SNTG2: variants seen among roughly 807,000 people sequenced by gnomAD.
SNTG2 encodes gamma-2-syntrophin.
A neutral mutation model predicts 70.9 loss-of-function variants in SNTG2; 74 were observed. That is an observed-to-expected ratio of 1.04 (90% CI 0.86 to 1.27). The LOEUF is 1.27. Among genes scored for constraint, SNTG2 ranks in the 50% most tolerant of loss-of-function variants. The probability of loss-of-function intolerance (pLI) is 0.00; values close to 1 mark genes in which losing one functional copy is unlikely to be tolerated. For synonymous variants in SNTG2, 278 were observed against 273.8 expected (o/e 1.02, Z -0.15); for missense variants, 717 against 690.7 (o/e 1.04, Z -0.43).
rs138151079 is a variant in SNTG2 at position 1,287,588 on chromosome 2, G to A, written c.1284+20017G>A. On this transcript the variant is annotated intron_variant, in intron 14 of 16. Transcript: ENST00000308624. The stretch of plus-strand genomic sequence containing the variant: ...AGCAGCAGGGGGCCCGGAGTGCTCC[G>A]TGCAGGTGGCAGAGTGACGGCGGAA... Among the ~76,000 whole-genome samples, 1,438 of 152,350 alleles carry A rather than the reference G, an allele frequency of 9.4e-3. 24 individuals carry two copies. Among genetic ancestry groups the A allele is most frequent in the African/African-American group, 0.033 (1,368 of 41,590 alleles).
chr2:1,156,990 G>A lies in SNTG2; in HGVS notation c.412-8558G>A, dbSNP rs145855329. Among the ~76,000 whole-genome samples the A allele has an allele frequency of 2.6e-5, 4 of 152,238 alleles. No individual in the cohort carries two copies. In the East Asian group the frequency reaches 7.7e-4, roughly 29 times the overall value. ...CTTCCCTGGTTATCCATAGAAATAT[G>A]AATCCCCAGGGAATGCAGACAGGAA... On this transcript the variant is annotated intron_variant, in intron 6 of 16. Coordinates refer to ENST00000308624, the MANE Select transcript of SNTG2 (RefSeq NM_018968.4).
At chr2:1,006,574 G>A (rs1277911721) in intron 1 of SNTG2, among the ~76,000 whole-genome samples, 1 of 152,088 alleles carries the variant, frequency 6.6e-6, no homozygotes, top group Non-Finnish European at 1.5e-5. Flanking sequence ...CACATCCGTG[G>A]GTTCAACCAA....
chr2:1,087,066 A>C (rs1470327063), intron 2 of SNTG2, among the ~76,000 whole-genome samples: 2 of 152,154 alleles, frequency 1.3e-5, no homozygotes, highest in Admixed American at 1.3e-4. Context: ...GCTAAGGAGC[A>C]GAAGGAGGGT....
At chr2:1,084,438 C>T (rs921127472) in intron 2 of SNTG2, among the ~76,000 whole-genome samples, 9 of 152,128 alleles carry the variant, frequency 5.9e-5, no homozygotes, top group Admixed American at 1.3e-4. Context: ...AGTTTGGAGC[C>T]CCTCCTTCTG....
intron 7 of SNTG2, among the ~76,000 whole-genome samples, chr2:1,169,264 C>G (rs1186805307): frequency 1.3e-5 from 2 of 152,060 alleles, no homozygotes; most frequent in Non-Finnish European, 2.9e-5. Context: ...AGGAGACAGA[C>G]AGAAAGCAGG....
intron 7 of SNTG2, among the ~76,000 whole-genome samples, chr2:1,169,524 C>T (rs963052299): frequency 6.6e-6 from 1 of 152,190 alleles, no homozygotes; most frequent in African/African-American, 2.4e-5. Flanking sequence ...CCTAGAGCCC[C>T]ATAGCACTGA....
chr2:1,236,613 C>T (rs1471498906), intron 9 of SNTG2, among the ~76,000 whole-genome samples: 1 of 152,228 alleles, frequency 6.6e-6, no homozygotes, highest in Non-Finnish European at 1.5e-5. Flanking sequence ...TCAAGAAACA[C>T]TAATTAGAAT....
chr2:1,296,179 C>T (rs775039336), intron 14 of SNTG2, among the ~76,000 whole-genome samples: 66 of 152,182 alleles, frequency 4.3e-4, no homozygotes, highest in Non-Finnish European at 9.0e-4. Context: ...GCCTCTGCCT[C>T]GCACCATGGC....
rs191823595 is a variant in SNTG2 at position 1,192,040 on chromosome 2, C to T, written c.592-17063C>T. 8.5e-5 allele frequency among the ~76,000 whole-genome samples: 13 copies of T among 152,108 alleles called. No individual in the cohort carries two copies. In the East Asian group the frequency reaches 2.3e-3, roughly 27 times the overall value. On this transcript the variant is annotated intron_variant, in intron 8 of 16. Transcript: ENST00000308624. Reference sequence around the variant, plus strand: ...GCAGAAGACAGTAAATTGTTTCCTTCCCTATATATTAACATATTTTTAGAT... The same window carrying T: ...GCAGAAGACAGTAAATTGTTTCCTTTCCTATATATTAACATATTTTTAGAT...
At chr2:1,350,193 T>C (rs991935580) in intron 16 of SNTG2, among the ~76,000 whole-genome samples, 6 of 152,074 alleles carry the variant, frequency 3.9e-5, no homozygotes, top group Admixed American at 6.5e-5. Context: ...GGTTTTTTAA[T>C]GTGTGGTGAT....
intron 1 of SNTG2, among the ~76,000 whole-genome samples, chr2:970,801 G>T (rs1035756906): frequency 5.9e-5 from 9 of 151,836 alleles, no homozygotes; most frequent in Non-Finnish European, 1.0e-4. Flanking sequence ...GGATGGCTGG[G>T]TCAAATGGTA....
At chr2:1,220,920 A>G (rs1319748559) in intron 9 of SNTG2, among the ~76,000 whole-genome samples, 1 of 152,146 alleles carries the variant, frequency 6.6e-6, no homozygotes, top group East Asian at 1.9e-4. Flanking sequence ...ATGAATGACT[A>G]CCTAAGGTAG....
chr2:1,000,809 A>C (rs752518594), intron 1 of SNTG2, among the ~76,000 whole-genome samples: 43 of 152,058 alleles, frequency 2.8e-4, no homozygotes, highest in Admixed American at 1.8e-3. Context: ...GCAAGAACAC[A>C]ACAAAAAAGA....
At chr2:985,646 G>A (rs374931588) in intron 1 of SNTG2, among the ~76,000 whole-genome samples, 1 of 152,088 alleles carries the variant, frequency 6.6e-6, no homozygotes, top group South Asian at 2.1e-4. Flanking sequence ...CAGGCCTTCA[G>A]TCAGAAATCT....
At position 1,237,913 on chromosome 2, in the gene SNTG2, C is replaced by T; in HGVS notation, c.745C>T (p.Leu249=). 6.2e-7 allele frequency: 1 copy of T among 1,605,860 alleles called. No individual in the cohort carries two copies. The highest frequency in any genetic ancestry group is 8.5e-7 in the Non-Finnish European group (1 of 1,176,592). Residue 249 remains leucine (L), a synonymous_variant, in exon 10 of 17, where the codon CTG becomes TTG. Transcript: ENST00000308624. ...GTGGAATGCGTTCGAGGTGCTCGCC[C>T]TGGACGGAGTCAGCTCTGGGATCCT... ...LRWNAFEVLA[L]DGVSSGILRF... is the part of the protein sequence containing the mutation.
chr2:1,025,055 C>G (rs7603971), intron 1 of SNTG2, among the ~76,000 whole-genome samples: 1 of 152,034 alleles, frequency 6.6e-6, no homozygotes, highest in Admixed American at 6.5e-5. Flanking sequence ...CCCCCACTCA[C>G]ACTGCCAAAA....
At chr2:953,019 T>A (rs1228297031) in intron 1 of SNTG2, among the ~76,000 whole-genome samples, 4 of 152,218 alleles carry the variant, frequency 2.6e-5, no homozygotes, top group Admixed American at 6.5e-5. Flanking sequence ...CTTTTCTAAA[T>A]CTTATATTTC....
rs761173564 is a variant in SNTG2 at position 1,259,372 on chromosome 2, G to A, written c.1008G>A (p.Val336=). ...PSFYVFSTPP[V]STFDWVRAER... The stretch of plus-strand genomic sequence containing the variant: ...GGAACGTTCTCTGTTTCTTGCAGGT[G>A]AGCACATTCGATTGGGTGCGAGCAG... Residue 336 remains valine (V), a splice_region_variant and synonymous_variant, in exon 13 of 17, where the codon GTG becomes GTA. Transcript: ENST00000308624. The A allele has an allele frequency of 3.1e-6, 5 of 1,613,798 alleles. No individual in the cohort carries two copies. Among genetic ancestry groups the A allele is most frequent in the African/African-American group, 2.7e-5 (2 of 74,918 alleles).
Position 1,209,140 on chromosome 2 carries a change from C to G in SNTG2, c.629C>G (p.Pro210Arg), listed in dbSNP as rs760366173. ...SSPSSPIAKD[P>R]RYEKRWLDTL... is the part of the protein sequence containing the mutation. ...CCTTCCTCGCCCATAGCTAAGGACC[C>G]GAGGTATGAGAAGCGCTGGCTGGAC... The change falls in exon 9 of 17, where the codon CCG becomes CGG. Residue 210 changes from proline to arginine, a missense_variant. Pro to Arg is a moderately radical substitution (Grantham distance 103). Coordinates refer to ENST00000308624, the MANE Select transcript of SNTG2 (RefSeq NM_018968.4). The G allele has an allele frequency of 6.2e-7, 1 of 1,613,940 alleles. No homozygotes were observed. Among genetic ancestry groups the G allele is most frequent in the Admixed American group, 1.7e-5 (1 of 60,008 alleles).
Sources: gnomAD v4.1 joint callset for allele counts (sites outside exome capture counted in the v4.1 genomes callset) on GRCh38, gnomAD v4.1.1 for gene constraint, MANE v1.5 for transcripts, NCBI Gene and HGNC (gene_info 2026-07-23, HGNC 2026-07-21) for gene names.